The following FCN1 variants were observed in gnomAD, a reference collection of about 807,000 sequenced individuals.
FCN1 encodes the protein ficolin 1.
Under a neutral mutation model 35.6 loss-of-function variants are expected in FCN1, and 42 were observed. The observed-to-expected ratio is 1.18, with a 90% CI of 0.92 to 1.53. The LOEUF (loss-of-function observed/expected upper bound fraction) is 1.53. Ranked by LOEUF, FCN1 falls within the 40% of genes most tolerant of loss-of-function variation. The pLI is 0.00. For synonymous variants in FCN1, 179 were observed against 169.8 expected (o/e 1.05, Z -0.42); for missense variants, 439 against 428.4 (o/e 1.02, Z -0.22).
rs1423322717 is a variant in FCN1 at position 134,903,658 on chromosome 9, C to T, written c.*6140G>A. Among the ~76,000 whole-genome samples the T allele has an allele frequency of 6.6e-6, 1 of 151,946 alleles. No homozygotes were observed. Among genetic ancestry groups the T allele is most frequent in the Non-Finnish European group, 1.5e-5 (1 of 67,972 alleles). On this transcript the variant is annotated 3_prime_UTR_variant, in exon 9 of 9. Transcript: ENST00000371806. ...CTGAATACTATGTCTAGCATTCAATCAAAACCCTCCAAGTGTGCCAAAAAA... is the reference window on the plus strand; with the variant it reads ...CTGAATACTATGTCTAGCATTCAATTAAAACCCTCCAAGTGTGCCAAAAAA...
Position 134,909,772 on chromosome 9 carries a change from G to C in FCN1, c.*26C>G. 6.2e-7 allele frequency: 1 copy of C among 1,611,156 alleles called. No individual in the cohort carries two copies. The highest frequency in any genetic ancestry group is 1.7e-5 in the Admixed American group (1 of 59,972). On this transcript the variant is annotated 3_prime_UTR_variant, in exon 9 of 9. Transcript: ENST00000371806. Reference sequence around the variant, plus strand: ...GTGGGTGTGGCCTCCCCACTAGCAGGTGCATGTGGAGGGGTCCTGGCCCGT... The same window carrying C: ...GTGGGTGTGGCCTCCCCACTAGCAGCTGCATGTGGAGGGGTCCTGGCCCGT...
In FCN1 at chr9:134,909,255, G is replaced by A. The variant is rs1412536851; in HGVS notation, c.*543C>T. The A allele has an allele frequency of 3.1e-6, 4 of 1,289,538 alleles. No individual in the cohort carries two copies. The highest frequency in any genetic ancestry group is 5.6e-5 in the East Asian group (1 of 18,016). The allele number at this position is 1,289,538 out of a possible 1,614,324, so 79.9% of individuals were successfully genotyped here. Reference sequence around the variant, plus strand: ...CTCTGCCGTGGTGGGAAGCAGAAAAGTTCCTACTAAACTTTCCCCCTTTTT... The same window carrying A: ...CTCTGCCGTGGTGGGAAGCAGAAAAATTCCTACTAAACTTTCCCCCTTTTT... On this transcript the variant is annotated 3_prime_UTR_variant, in exon 9 of 9. Coordinates refer to ENST00000371806, the MANE Select transcript of FCN1 (RefSeq NM_002003.5).
intron 1 of FCN1, 51 bp from the exon 2 acceptor site, chr9:134,916,512 G>A (rs1214225146): frequency 6.4e-7 from 1 of 1,557,014 alleles, no homozygotes; most frequent in Non-Finnish European, 8.9e-7. Flanking sequence ...CAGTGGCTGG[G>A]AAGTGAGGTT....
chr9:134,911,381 G>A lies in FCN1; in HGVS notation c.599-114C>T, dbSNP rs902519862. Reference sequence around the variant, plus strand: ...TTTTTTGAGACAGAGTTCCGCTCTTGTTGCCCAGGCTGGAGTGCAATGGCA... The same window carrying A: ...TTTTTTGAGACAGAGTTCCGCTCTTATTGCCCAGGCTGGAGTGCAATGGCA... On this transcript the variant is annotated intron_variant, in intron 7 of 8. Transcript: ENST00000371806. 3.2e-5 allele frequency: 29 copies of A among 910,526 alleles called. No individual in the cohort carries two copies. In the East Asian group the frequency reaches 6.9e-4, roughly 22 times the overall value. The allele number at this position is 910,526 out of a possible 1,614,324, so 56.4% of individuals were successfully genotyped here.
chr9:134,917,419 C>T (rs909107372), intron 1 of FCN1, among the ~76,000 whole-genome samples: 1 of 152,142 alleles, frequency 6.6e-6, no homozygotes, highest in Non-Finnish European at 1.5e-5. Context: ...TGGCAGCCAC[C>T]GTATTAGAGG....
intron 2 of FCN1, among the ~76,000 whole-genome samples, chr9:134,915,367 G>A (rs1299491908): frequency 3.9e-5 from 6 of 152,176 alleles, no homozygotes; most frequent in Non-Finnish European, 7.4e-5. Context: ...CAGCCCGCTC[G>A]CTGACCCCAG....
rs565391562 is a variant in FCN1, at chr9:134,917,827, C to A, written c.45G>T (p.Leu15=). 508 of 1,614,062 alleles carry A rather than the reference C, an allele frequency of 3.1e-4. 3 individuals carry two copies. The Middle Eastern group carries it at 4.1e-3, about 13-fold the overall frequency. Residue 15 remains leucine, a synonymous_variant, in exon 1 of 9, where the codon CTG becomes CTT. Transcript: ENST00000371806. ...GATMARGLAV[L]LVLFLHIKNL... The stretch of plus-strand genomic sequence containing the variant: ...TCTTGATATGCAGGAACAAGACTAG[C>A]AGGACAGCGAGCCCCCGGGCCATGG...
Position 134,904,270 on chromosome 9 carries a change from A to G in FCN1, c.*5528T>C, listed in dbSNP as rs1266122803. On this transcript the variant is annotated 3_prime_UTR_variant, in exon 9 of 9. Coordinates refer to ENST00000371806, the MANE Select transcript of FCN1 (RefSeq NM_002003.5). ...AAATGTATTTTTTGAAAAAAGTCATATTACCTTCAGAGGAGCAACAAGACT... is the reference window on the plus strand; with the variant it reads ...AAATGTATTTTTTGAAAAAAGTCATGTTACCTTCAGAGGAGCAACAAGACT... Among the ~76,000 whole-genome samples, 1 of 152,230 alleles carries G rather than the reference A, an allele frequency of 6.6e-6. No individual in the cohort carries two copies. Among genetic ancestry groups the G allele is most frequent in the Non-Finnish European group, 1.5e-5 (1 of 68,040 alleles).
chr9:134,914,269 G>GC, intron 4 of FCN1, 116 bp downstream of exon 4: 4 of 939,232 alleles, frequency 4.3e-6, no homozygotes, highest in Non-Finnish European at 3.5e-6. Flanking sequence ...ACCCCTCCCT[G>GC]CCCACAGCCT....
Position 134,909,487 on chromosome 9 carries a change from G to A in FCN1, c.*311C>T, listed in dbSNP as rs1023212704. 4.1e-5 allele frequency: 54 copies of A among 1,322,416 alleles called. No homozygotes were observed. In the African/African-American group the frequency reaches 4.2e-4, roughly 10 times the overall value. 81.9% of individuals were successfully genotyped at this position (1,322,416 alleles called of 1,614,324 possible). A position where few individuals can be genotyped will look rare whatever the true frequency, so the allele number is the denominator to read the frequency against. On this transcript the variant is annotated 3_prime_UTR_variant, in exon 9 of 9. Transcript: ENST00000371806. ...CTAAATAAGGGTCCTGACTCTTCCC[G>A]ACTTACCAAATTCCAGGGAAAGACC...
At position 134,914,756 on chromosome 9, in the gene FCN1, C is replaced by G. The variant is rs754806176; in HGVS notation, c.271G>C (p.Gly91Arg). ...TCCTCGCTGTCTGTCCCCTGGTTAC[C>G]TTTGGGCCCCACTGGTCCTGCCTTT... ...PGKAGPVGPKGDRGEKGMRGE... is the reference protein window; with the variant it reads ...PGKAGPVGPKRDRGEKGMRGE... Residue 91 changes from glycine to arginine, a missense_variant and splice_region_variant, in exon 3 of 9, where the codon GGA becomes CGA. Gly to Arg is a moderately radical substitution (Grantham distance 125). Transcript: ENST00000371806. 6.2e-7 allele frequency: 1 copy of G among 1,611,338 alleles called. No individual in the cohort carries two copies. Among genetic ancestry groups the G allele is most frequent in the East Asian group, 2.2e-5 (1 of 44,838 alleles).
chr9:134,917,627 T>A, intron 1 of FCN1, 142 bp downstream of exon 1: 1 of 610,916 alleles, frequency 1.6e-6, no homozygotes. Context: ...TGAGCCTCCA[T>A]GTCCTTGCCT....
At chr9:134,912,108 C>T (rs1564218662) in intron 7 of FCN1, among the ~76,000 whole-genome samples, 3 of 152,162 alleles carry the variant, frequency 2.0e-5, no homozygotes, top group South Asian at 2.1e-4. Context: ...CCTGCTGAGG[C>T]GTGGGCTGGA....
chr9:134,914,013 C>T (rs571537329), intron 4 of FCN1, among the ~76,000 whole-genome samples: 204 of 151,516 alleles, frequency 1.3e-3, no homozygotes, highest in African/African-American at 4.9e-3. Flanking sequence ...CCTCAGCCCC[C>T]GGCTCCGGTT....
rs562067505 is a variant in FCN1, at chr9:134,903,767, C to T, written c.*6031G>A. On this transcript the variant is annotated 3_prime_UTR_variant, in exon 9 of 9. Transcript: ENST00000371806. ...AAAATGTCTTTAAAAACGACTCTGA[C>T]TGGTGTGTTGAAGAAAATGGAAGAT... Among the ~76,000 whole-genome samples, 5 of 152,186 alleles carry T rather than the reference C, an allele frequency of 3.3e-5. No individual in the cohort carries two copies. The East Asian group carries it at 9.6e-4, about 29-fold the overall frequency.
At chr9:134,914,949 G>C in intron 2 of FCN1, 140 bp from the exon 3 acceptor site, 2 of 656,008 alleles carry the variant, frequency 3.0e-6, no homozygotes, top group South Asian at 3.6e-5. Flanking sequence ...TCTCAGAATT[G>C]CTAGCCATGG....
In FCN1 at chr9:134,916,542, T is replaced by C; in HGVS notation, c.104-81A>G. 7 of 1,365,488 alleles carry C rather than the reference T, an allele frequency of 5.1e-6. No individual in the cohort carries two copies. In the South Asian group the frequency reaches 8.1e-5, roughly 16 times the overall value. 84.6% of individuals were successfully genotyped at this position (1,365,488 alleles called of 1,614,324 possible). The stretch of plus-strand genomic sequence containing the variant: ...GAGGTTTTCTGCTCTGCTGGGGCCT[T>C]GGTCTGTCCTCACCCCTCAGGCACT... On this transcript the variant is annotated intron_variant, in intron 1 of 8. Coordinates refer to ENST00000371806, the MANE Select transcript of FCN1 (RefSeq NM_002003.5).
chr9:134,916,779 T>C (rs1443373397), intron 1 of FCN1, among the ~76,000 whole-genome samples: 1 of 152,270 alleles, frequency 6.6e-6, no homozygotes, highest in Non-Finnish European at 1.5e-5. Flanking sequence ...TTGTAATTTA[T>C]GGCATTTAGA....
At position 134,909,955 on chromosome 9, in the gene FCN1, T is replaced by G. The variant is rs765165815; in HGVS notation, c.824A>C (p.Gln275Pro). 1.2e-6 allele frequency: 2 copies of G among 1,614,184 alleles called. No individual in the cohort carries two copies. Among genetic ancestry groups the G allele is most frequent in the Non-Finnish European group, 1.7e-6 (2 of 1,180,006 alleles). The stretch of plus-strand genomic sequence containing the variant: ...ACAGTCGGCGTACCACCAGGCTCCT[T>G]GGAACTTCTCAGCACAATTCGAAGA... ...VSSSNCAEKF[Q>P]GAWWYADCHA... The change falls in exon 9 of 9, where the codon CAA becomes CCA. Residue 275 changes from glutamine to proline, a missense_variant. Transcript: ENST00000371806.
Sources: allele counts gnomAD v4.1 joint callset (sites outside exome capture counted in the v4.1 genomes callset), GRCh38; gene constraint gnomAD v4.1.1; transcripts MANE v1.5; gene names NCBI Gene and HGNC (gene_info 2026-07-23, HGNC 2026-07-21).